The following ARHGAP29 variants were observed in gnomAD, a reference collection of about 807,000 sequenced individuals.
ARHGAP29 encodes Rho GTPase activating protein 29.
A neutral mutation model predicts 122.6 loss-of-function variants in ARHGAP29; 43 were observed. That is an observed-to-expected ratio of 0.35 (90% CI 0.27 to 0.45). The LOEUF is 0.45. Among genes scored for constraint, ARHGAP29 ranks in the 20% least tolerant of loss-of-function variants. The probability of loss-of-function intolerance (pLI) is 1.00; values close to 1 mark genes in which losing one functional copy is unlikely to be tolerated. For missense variants in ARHGAP29, 1,303 were observed against 1,477.2 expected, an observed-to-expected ratio of 0.88 and a Z score of 1.93; for synonymous variants, 506 against 497.1, an observed-to-expected ratio of 1.02 and a Z score of -0.24.
intron 1 of ARHGAP29, among the ~76,000 whole-genome samples, chr1:94,251,896 T>C (rs1210524298): frequency 6.6e-6 from 1 of 152,242 alleles, no homozygotes; most frequent in African/African-American, 2.4e-5. Context: ...TATTGGTTTA[T>C]TTACAGATTT....
the ARHGAP29 span, among the ~76,000 whole-genome samples, chr1:94,305,354 T>C: frequency 5.3e-5 from 8 of 152,212 alleles, no homozygotes; most frequent in South Asian, 4.1e-4. Context: ...TCTTTAAATA[T>C]GTTGAATATC....
At chr1:94,256,944 T>C (rs1477658861) in intron 1 of ARHGAP29, among the ~76,000 whole-genome samples, 1 of 152,148 alleles carries the variant, frequency 6.6e-6, no homozygotes, top group African/African-American at 2.4e-5. Flanking sequence ...GTAACATTGC[T>C]CCTATAGGTA....
intron 3 of ARHGAP29, among the ~76,000 whole-genome samples, chr1:94,211,982 C>T (rs545495663): frequency 6.6e-6 from 1 of 150,608 alleles, no homozygotes; most frequent in East Asian, 2.0e-4. Flanking sequence ...TTTTAAATAA[C>T]CCAGGTGTCA....
At chr1:94,294,659 G>A in the ARHGAP29 span, among the ~76,000 whole-genome samples, 2 of 152,142 alleles carry the variant, frequency 1.3e-5, no homozygotes, top group Non-Finnish European at 1.5e-5. Context: ...AGGTGTATTT[G>A]TTGTTCACAC....
the ARHGAP29 span, among the ~76,000 whole-genome samples, chr1:94,303,248 C>T: frequency 1.3e-5 from 2 of 152,164 alleles, no homozygotes; most frequent in African/African-American, 4.8e-5. Flanking sequence ...GAAGGAAATT[C>T]TGACATATGA....
chr1:94,241,170 T>G (rs890382123), upstream of ARHGAP29, among the ~76,000 whole-genome samples: 3 of 152,296 alleles, frequency 2.0e-5, no homozygotes, highest in East Asian at 5.8e-4. Flanking sequence ...TATAAAAAAC[T>G]ATAAGACCTA....
rs1188171895 is a variant in ARHGAP29 at position 94,169,567 on chromosome 1, A to C, written c.*4302T>G. Among the ~76,000 whole-genome samples the C allele has an allele frequency of 6.6e-6, 1 of 152,196 alleles. No homozygotes were observed. The highest frequency in any genetic ancestry group is 2.4e-5 in the African/African-American group (1 of 41,450). ...AATTGAAGGTGTCAATGTGAACTCAAAGTTTTCAATACGTATGTATATAAA... is the reference window on the plus strand; with the variant it reads ...AATTGAAGGTGTCAATGTGAACTCACAGTTTTCAATACGTATGTATATAAA... On this transcript the variant is annotated 3_prime_UTR_variant, in exon 23 of 23. Coordinates refer to ENST00000260526, the MANE Select transcript of ARHGAP29 (RefSeq NM_004815.4).
chr1:94,257,131 T>C lies in ARHGAP29; in HGVS notation c.-33+17881A>G, dbSNP rs377679315. Reference sequence around the variant, plus strand: ...TCAAGAATCTTGGCTGGGCCGGGCATGGTGGCTGACACCTGTAATCCCAGC... The same window carrying C: ...TCAAGAATCTTGGCTGGGCCGGGCACGGTGGCTGACACCTGTAATCCCAGC... On this transcript the variant is annotated intron_variant and NMD_transcript_variant, in intron 1 of 25. Coordinates refer to the ARHGAP29 transcript ENST00000552844. Among the ~76,000 whole-genome samples the C allele has an allele frequency of 1.8e-4, 28 of 151,464 alleles. No individual in the cohort carries two copies. The South Asian group carries it at 3.4e-3, about 18-fold the overall frequency.
intron 1 of ARHGAP29, among the ~76,000 whole-genome samples, chr1:94,251,581 C>T (rs941143956): frequency 6.6e-6 from 1 of 152,134 alleles, no homozygotes; most frequent in Non-Finnish European, 1.5e-5. Flanking sequence ...GGAAATGACT[C>T]CTCTTATTCT....
In ARHGAP29 at chr1:94,190,006, A is replaced by G. The variant is rs1482108008; in HGVS notation, c.1359T>C (p.Ser453=). ...CTTGGCCTGGGTCATAGAGTTTGGC[A>G]CTATCACAGAGAGACTGTAAACTGT... The part of the protein sequence containing the change: ...LADSLQSLCD[S]AKLYDPGQEY... The change falls in exon 13 of 23, where the codon AGT becomes AGC. Residue 453 remains serine, a synonymous_variant. Transcript: ENST00000260526. The G allele has an allele frequency of 6.2e-7, 1 of 1,613,428 alleles. No homozygotes were observed. The highest frequency in any genetic ancestry group is 8.5e-7 in the Non-Finnish European group (1 of 1,179,650).
intron 12 of ARHGAP29, among the ~76,000 whole-genome samples, chr1:94,199,963 T>C (rs998490910): frequency 6.6e-6 from 1 of 152,204 alleles, no homozygotes; most frequent in African/African-American, 2.4e-5. Flanking sequence ...AACCTCAACC[T>C]GTACCTTAAA....
At chr1:94,218,129 A>C (rs1485121622) in intron 3 of ARHGAP29, among the ~76,000 whole-genome samples, 1 of 152,194 alleles carries the variant, frequency 6.6e-6, no homozygotes, top group Non-Finnish European at 1.5e-5. Flanking sequence ...AATATTTTTC[A>C]ATTGGGGTAT....
intron 6 of ARHGAP29, 89 bp from the exon 7 acceptor site, chr1:94,205,287 G>T: frequency 9.3e-7 from 1 of 1,078,926 alleles, no homozygotes; most frequent in Non-Finnish European, 1.2e-6. Context: ...TAAGATACTA[G>T]TCAATAAAAA....
Position 94,199,668 on chromosome 1 carries a change from ATGC to A in ARHGAP29, c.1281+2049_1281+2051del, listed in dbSNP as rs373388620. ...TACCAAACAACGGGAGACCATCCCTATGCTCCAAAGTCCATGGAAATTCACACT... is the reference window on the plus strand; with the variant it reads ...TACCAAACAACGGGAGACCATCCCTATCCAAAGTCCATGGAAATTCACACT... On this transcript the variant is annotated intron_variant, in intron 12 of 22. Transcript: ENST00000260526. Among the ~76,000 whole-genome samples the A allele has an allele frequency of 5.8e-3, 889 of 152,316 alleles. 13 individuals carry two copies. The highest frequency in any genetic ancestry group is 0.02 in the African/African-American group (842 of 41,572).
chr1:94,202,977 C>A lies in ARHGAP29; in HGVS notation c.895G>T (p.Glu299Ter). ...FVQPLLGRKN[E>*]MEKQRKEIKE... ...ATTTCTTTCCTTTGTTTTTCCATTT[C>A]ATTTTTCCTTCCAAGTAGAGGCTGT... Residue 299 changes from glutamate (E) to a stop codon, truncating the protein, a stop_gained, in exon 10 of 23, where the codon GAA becomes TAA. Transcript: ENST00000260526. LOFTEE classifies it high-confidence loss of function. 6.2e-7 allele frequency: 1 copy of A among 1,608,798 alleles called. No homozygotes were observed. The highest frequency in any genetic ancestry group is 2.2e-5 in the East Asian group (1 of 44,784).
At chr1:94,277,717 C>T (rs1272833887), upstream of ARHGAP29, among the ~76,000 whole-genome samples, 2 of 152,184 alleles carry the variant, frequency 1.3e-5, no homozygotes, top group Admixed American at 6.5e-5. Flanking sequence ...CTGCAATTCC[C>T]TCCTCCTTCT....
At chr1:94,273,542 G>A (rs1311471277) in intron 1 of ARHGAP29, among the ~76,000 whole-genome samples, 1 of 152,170 alleles carries the variant, frequency 6.6e-6, no homozygotes, top group Non-Finnish European at 1.5e-5. Context: ...AAATTTAATA[G>A]AACTGCTGTG....
chr1:94,281,391 G>C, the ARHGAP29 span, among the ~76,000 whole-genome samples: 4 of 152,154 alleles, frequency 2.6e-5, no homozygotes, highest in Non-Finnish European at 5.9e-5. Context: ...ATATCTCGCT[G>C]GGCAAGCACA....
At chr1:94,298,692 G>A in the ARHGAP29 span, among the ~76,000 whole-genome samples, 1 of 152,110 alleles carries the variant, frequency 6.6e-6, no homozygotes, top group Non-Finnish European at 1.5e-5. Context: ...TATGGTTAAG[G>A]ACCTATAATG....
Sources: allele counts gnomAD v4.1 joint callset (sites outside exome capture counted in the v4.1 genomes callset), GRCh38; gene constraint gnomAD v4.1.1; transcripts MANE v1.5; gene names NCBI Gene and HGNC (gene_info 2026-07-23, HGNC 2026-07-21).